The following FRMPD4 variants were observed in gnomAD, a reference collection of about 807,000 sequenced individuals.
FRMPD4 encodes FERM and PDZ domain containing 4.
A neutral mutation model predicts 94.1 loss-of-function variants in FRMPD4; 22 were observed. The observed-to-expected ratio is 0.23, with a 90% confidence interval of 0.17 to 0.33. FRMPD4 has a LOEUF of 0.33. Ranked by LOEUF, FRMPD4 falls within the 10% of genes least tolerant of loss-of-function variation. The pLI is 1.00. For missense variants in FRMPD4, 1,111 were observed against 1,339.9 expected, an observed-to-expected ratio of 0.83 and a Z score of 2.67; for synonymous variants, 631 against 548.6, an observed-to-expected ratio of 1.15 and a Z score of -2.10.
At chrX:12,565,251 C>T (rs2058700949) in intron 2 of FRMPD4, among the ~76,000 whole-genome samples, 1 of 111,844 alleles carries the variant, frequency 8.9e-6, no homozygotes, top group African/African-American at 3.2e-5. Flanking sequence ...TACTCCTCCC[C>T]TCCAGGAGGT....
chrX:12,681,771 GCTTT>G (rs2147103051), intron 5 of FRMPD4, among the ~76,000 whole-genome samples: 1 of 110,978 alleles, frequency 9.0e-6, no homozygotes, highest in Non-Finnish European at 1.9e-5. Flanking sequence ...TTTTTCAACA[GCTTT>G]TTTATTACAG....
At chrX:12,499,430 C>A (rs1015624585) in intron 2 of FRMPD4, among the ~76,000 whole-genome samples, 1 of 111,934 alleles carries the variant, frequency 8.9e-6, no homozygotes, top group Non-Finnish European at 1.9e-5. Flanking sequence ...TAAGTACATC[C>A]ACAATGTTGT....
At chrX:12,481,942 CAAAAAAAAAAAAAAA>C (rs56366427) in intron 1 of FRMPD4, among the ~76,000 whole-genome samples, 14 of 11,579 alleles carry the variant, frequency 1.2e-3, no homozygotes, top group Non-Finnish European at 1.4e-3. Context: ...GACTACATCT[CAAAAAAAAAAAAAAA>C]AAAAAAAAAA....
intron 3 of FRMPD4, among the ~76,000 whole-genome samples, chrX:12,039,109 C>T (rs761397823): frequency 8.1e-5 from 9 of 110,680 alleles, no homozygotes; most frequent in Non-Finnish European, 1.7e-4. Context: ...CTGAAGCGAT[C>T]CCCCCACCTC....
At chrX:12,668,799 T>G (rs1215414510) in intron 4 of FRMPD4, among the ~76,000 whole-genome samples, 1 of 110,124 alleles carries the variant, frequency 9.1e-6, no homozygotes, top group Non-Finnish European at 1.9e-5. Context: ...CAGACAGGGT[T>G]TCACTATGTT....
intron 3 of FRMPD4, among the ~76,000 whole-genome samples, chrX:12,119,595 A>G (rs2055438161): frequency 1.8e-5 from 2 of 112,187 alleles, no homozygotes; most frequent in Admixed American, 1.9e-4. Context: ...AAAATAAAGT[A>G]TGAGTTTCAA....
chrX:11,841,693 A>G lies in FRMPD4; in HGVS notation c.-161+18978A>G, dbSNP rs779731412. 3.7e-5 allele frequency among the ~76,000 whole-genome samples: 4 copies of G among 108,985 alleles called. No individual in the cohort carries two copies. In the South Asian group the frequency reaches 1.6e-3, roughly 44 times the overall value. 94.6% of individuals were successfully genotyped at this position (108,985 alleles called of 115,157 possible). ...TTGCGAAAATTTTCTCCCATGTTGTAGGTTGCCTGTTCACTCTGATGGTAG... is the reference window on the plus strand; with the variant it reads ...TTGCGAAAATTTTCTCCCATGTTGTGGGTTGCCTGTTCACTCTGATGGTAG... On this transcript the variant is annotated intron_variant, in intron 1 of 18. Transcript: ENST00000640291.
intron 3 of FRMPD4, among the ~76,000 whole-genome samples, chrX:12,112,722 T>A (rs896118793): frequency 8.9e-6 from 1 of 111,824 alleles, no homozygotes; most frequent in Admixed American, 9.5e-5. Flanking sequence ...ATAAAATATA[T>A]ACTTTTTAAA....
chrX:12,215,022 C>T (rs1367690152), intron 1 of FRMPD4, among the ~76,000 whole-genome samples: 2 of 110,716 alleles, frequency 1.8e-5, no homozygotes, highest in African/African-American at 3.3e-5. Context: ...TGTATATATG[C>T]GTGTACCTTA....
intron 4 of FRMPD4, among the ~76,000 whole-genome samples, chrX:12,624,745 G>A (rs1180971554): frequency 3.6e-5 from 4 of 111,390 alleles, no homozygotes; most frequent in Non-Finnish European, 7.5e-5. Context: ...AAAGAGAAAA[G>A]GGGCCAGAAA....
At chrX:12,586,255 A>C (rs933087628) in intron 2 of FRMPD4, among the ~76,000 whole-genome samples, 2 of 112,879 alleles carry the variant, frequency 1.8e-5, no homozygotes, top group Non-Finnish European at 3.7e-5. Context: ...AGTTATGTTC[A>C]ATCACTTAGG....
intron 1 of FRMPD4, among the ~76,000 whole-genome samples, chrX:12,187,224 T>G (rs941924582): frequency 1.8e-5 from 2 of 111,983 alleles, no homozygotes; most frequent in Admixed American, 9.5e-5. Flanking sequence ...GGGATTCCAG[T>G]GTCACCTGTT....
chrX:11,910,303 A>G (rs773056431), intron 3 of FRMPD4, among the ~76,000 whole-genome samples: 1 of 112,575 alleles, frequency 8.9e-6, no homozygotes, highest in Non-Finnish European at 1.9e-5. Flanking sequence ...ATAATTTAAG[A>G]AGAGGCATTA....
chrX:12,406,175 C>T (rs1462179389), intron 1 of FRMPD4, among the ~76,000 whole-genome samples: 1 of 110,650 alleles, frequency 9.0e-6, no homozygotes, highest in African/African-American at 3.3e-5. Flanking sequence ...CACAGGACAG[C>T]TCCACCACGC....
intron 1 of FRMPD4, among the ~76,000 whole-genome samples, chrX:12,303,385 G>T (rs1011439639): frequency 8.9e-5 from 10 of 111,748 alleles, no homozygotes; most frequent in African/African-American, 3.2e-4. Flanking sequence ...TAATAATGAT[G>T]ACCTTAATTG....
At chrX:12,562,210 G>C (rs375519658) in intron 2 of FRMPD4, among the ~76,000 whole-genome samples, 2 of 112,626 alleles carry the variant, frequency 1.8e-5, no homozygotes, top group African/African-American at 6.4e-5. Context: ...CCCCAGAGAG[G>C]TTTGAAAATA....
chrX:12,078,091 T>C (rs955601090), intron 3 of FRMPD4, among the ~76,000 whole-genome samples: 3 of 111,285 alleles, frequency 2.7e-5, no homozygotes, highest in Non-Finnish European at 3.8e-5. Flanking sequence ...GGAGAAGTCA[T>C]CTCCTTGAGG....
At chrX:12,299,037 G>C (rs2054816786) in intron 1 of FRMPD4, among the ~76,000 whole-genome samples, 1 of 111,945 alleles carries the variant, frequency 8.9e-6, no homozygotes, top group African/African-American at 3.2e-5. Context: ...AAACATCTAA[G>C]AATAAATGTC....
chrX:12,156,440 A>G (rs1222297839), intron 1 of FRMPD4, among the ~76,000 whole-genome samples: 4 of 111,571 alleles, frequency 3.6e-5, no homozygotes, highest in Non-Finnish European at 7.5e-5. Flanking sequence ...GATTTGCTGA[A>G]TTGATATCTC....
Sources: gnomAD v4.1 joint callset for allele counts (sites outside exome capture counted in the v4.1 genomes callset) on GRCh38, gnomAD v4.1.1 for gene constraint, MANE v1.5 for transcripts, NCBI Gene and HGNC (gene_info 2026-07-23, HGNC 2026-07-21) for gene names.